The following DST variants were observed in gnomAD, a reference collection of about 807,000 sequenced individuals.
DST encodes bullous pemphigoid antigen.
Under a neutral mutation model 875.2 loss-of-function variants are expected in DST, and 253 were observed. The ratio of observed to expected loss-of-function variants is 0.29; its 90% CI spans 0.26 to 0.32. The LOEUF (loss-of-function observed/expected upper bound fraction) is 0.32. Ranked by LOEUF, DST falls within the 10% of genes least tolerant of loss-of-function variation. The pLI is 1.00. For synonymous variants in DST, 3,124 were observed against 3,197.1 expected (o/e 0.98, Z 0.77); for missense variants, 8,287 against 9,111.6 (o/e 0.91, Z 3.68).
intron 3 of DST, chr6:56,871,583 A>C (rs1777120836): frequency 1.1e-6 from 1 of 871,402 alleles, no homozygotes; most frequent in Non-Finnish European, 1.9e-6. Flanking sequence ...GGACCTACAG[A>C]GCTCATGGTT....
intron 2 of DST, among the ~76,000 whole-genome samples, chr6:56,946,308 G>C (rs1290282968): frequency 6.6e-6 from 1 of 152,210 alleles, no homozygotes; most frequent in African/African-American, 2.4e-5. Context: ...GAAATCATTG[G>C]TGACCTAAGT....
chr6:56,762,299 G>A (rs924705080), intron 4 of DST, among the ~76,000 whole-genome samples: 8 of 152,180 alleles, frequency 5.3e-5, no homozygotes, highest in African/African-American at 1.4e-4. Context: ...TGGCGTGCCC[G>A]ACAAGACTCT....
At position 56,619,500 on chromosome 6, in the gene DST, G is replaced by A. The variant is rs761229102; in HGVS notation, c.4930-5016C>T. On this transcript the variant is annotated intron_variant, in intron 36 of 103. Coordinates refer to ENST00000680361, the MANE Select transcript of DST (RefSeq NM_001374736.1). ...AGTCTTTCTAATTCTTTCTCATCTC[G>A]AAAAGAATGAATTTGTGAATTTAAA... 31 of 1,611,874 alleles carry A rather than the reference G, an allele frequency of 1.9e-5. No individual in the cohort carries two copies. The highest frequency in any genetic ancestry group is 6.7e-5 in the African/African-American group (5 of 74,736).
intron 4 of DST, among the ~76,000 whole-genome samples, chr6:56,840,054 G>GT (rs2153071796): frequency 6.6e-6 from 1 of 152,240 alleles, no homozygotes; most frequent in Non-Finnish European, 1.5e-5. Flanking sequence ...ACAAAATAAT[G>GT]TAACATTTTA....
At chr6:56,629,967 T>C (rs1341423232) in intron 31 of DST, among the ~76,000 whole-genome samples, 2 of 152,190 alleles carry the variant, frequency 1.3e-5, no homozygotes, top group Admixed American at 1.3e-4. Context: ...AGTTAATCTA[T>C]TACAAATAAT....
At position 56,463,076 on chromosome 6, in the gene DST, C is replaced by T. The variant is rs1167631223; in HGVS notation, c.23040G>A (p.Glu7680=). 1.2e-6 allele frequency: 2 copies of T among 1,613,382 alleles called. No homozygotes were observed. Among genetic ancestry groups the T allele is most frequent in the East Asian group, 4.5e-5 (2 of 44,868 alleles). Residue 7680 remains glutamate, a synonymous_variant, in exon 102 of 104, where the codon GAG becomes GAA. Coordinates refer to ENST00000680361, the MANE Select transcript of DST (RefSeq NM_001374736.1). ...CAGATGGCACGGGAAAGTCTGAGCA[C>T]TCTGCTGCTTTACAAGGAGTTGACA... ...SKMSTPCKAA[E]CSDFPVPSAE...
chr6:56,784,312 CAG>C (rs1316491857), intron 4 of DST, among the ~76,000 whole-genome samples: 1 of 152,222 alleles, frequency 6.6e-6, no homozygotes, highest in African/African-American at 2.4e-5. Context: ...TAATATCCTG[CAG>C]AGTGTTTTCC....
At chr6:56,810,719 A>C (rs1299399908) in intron 4 of DST, among the ~76,000 whole-genome samples, 1 of 152,040 alleles carries the variant, frequency 6.6e-6, no homozygotes, top group Non-Finnish European at 1.5e-5. Context: ...AGGGAAAAAA[A>C]AAAAAGGCAG....
intron 2 of DST, among the ~76,000 whole-genome samples, chr6:56,901,783 CAACGGA>C (rs1031655166): frequency 2.0e-5 from 3 of 152,062 alleles, no homozygotes; most frequent in African/African-American, 7.3e-5. Context: ...ACAACTCAGA[CAACGGA>C]AACATGTCAG....
Position 56,536,912 on chromosome 6 carries a change from A to G in DST, c.16637T>C (p.Leu5546Ser). Residue 5546 changes from leucine (L) to serine (S), a missense_variant, in exon 62 of 104, where the codon TTG becomes TCG. Physicochemically the swap from Leu to Ser is moderately radical, Grantham distance 145 (BLOSUM62 -2). Transcript: ENST00000680361. ...KVFQKEEIEPLQGKQQDVNWL... is the reference protein window; with the variant it reads ...KVFQKEEIEPSQGKQQDVNWL... Reference sequence around the variant, plus strand: ...GTTTACATCTTGCTGTTTACCTTGCAAGGGTTCAATCTCTTCTTTCTGGAA... The same window carrying G: ...GTTTACATCTTGCTGTTTACCTTGCGAGGGTTCAATCTCTTCTTTCTGGAA... 6.2e-7 allele frequency: 1 copy of G among 1,613,950 alleles called. No homozygotes were observed. Among genetic ancestry groups the G allele is most frequent in the Non-Finnish European group, 8.5e-7 (1 of 1,179,840 alleles).
intron 4 of DST, among the ~76,000 whole-genome samples, chr6:56,842,897 G>A (rs576969842): frequency 1.3e-5 from 2 of 152,228 alleles, no homozygotes; most frequent in East Asian, 1.9e-4. Flanking sequence ...TGCGCTGGGG[G>A]TACTAAATCC....
Position 56,630,281 on chromosome 6 carries a change from G to A in DST, c.4245C>T (p.Asp1415=), listed in dbSNP as rs973257594. Residue 1415 remains aspartate, a synonymous_variant, in exon 31 of 104, where the codon GAC becomes GAT. Transcript: ENST00000680361. ...TTATTAGATTCTCAATATTATTCTT[G>A]TCAGCTATAACTGCTTCTTCTTCAC... ...KLCEEEAVIA[D]KNNIENLIST... 9.3e-6 allele frequency: 15 copies of A among 1,605,726 alleles called. No individual in the cohort carries two copies. The highest frequency in any genetic ancestry group is 4.5e-5 in the East Asian group (2 of 44,808).
At chr6:56,754,228 T>C (rs1000277068) in intron 4 of DST, among the ~76,000 whole-genome samples, 5 of 152,190 alleles carry the variant, frequency 3.3e-5, no homozygotes, top group African/African-American at 1.2e-4. Flanking sequence ...AATCAATTAA[T>C]TCAACAAAAG....
At chr6:56,467,535 T>A (rs2094641334) in intron 98 of DST, 1 of 152,152 alleles carries the variant, frequency 6.6e-6, no homozygotes, top group South Asian at 2.1e-4. Flanking sequence ...AAAGTGTAAA[T>A]TTATTTTGTT....
chr6:56,677,603 C>A (rs1034110607), intron 9 of DST, among the ~76,000 whole-genome samples: 3 of 152,232 alleles, frequency 2.0e-5, no homozygotes, highest in African/African-American at 7.2e-5. Flanking sequence ...AACCACAGCA[C>A]CTAGCCCCAC....
Position 56,485,391 on chromosome 6 carries a change from C to G in DST, c.21128G>C (p.Arg7043Thr). Residue 7043 changes from arginine to threonine, a missense_variant, in exon 88 of 104, where the codon AGA becomes ACA. By Grantham distance (71) the Arg-to-Thr change is moderately conservative. Coordinates refer to ENST00000680361, the MANE Select transcript of DST (RefSeq NM_001374736.1). ...GTCTTCTGCCAGCTGGGGTTCAACT[C>G]TATATAACCAATCAATGAGAGCCTG... ...ALQALIDWLY[R>T]VEPQLAEDQP... 1 of 1,613,962 alleles carries G rather than the reference C, an allele frequency of 6.2e-7. No individual in the cohort carries two copies. The highest frequency in any genetic ancestry group is 1.1e-5 in the South Asian group (1 of 91,086).
intron 5 of DST, among the ~76,000 whole-genome samples, chr6:56,712,283 T>C (rs1481967882): frequency 6.6e-6 from 1 of 152,248 alleles, no homozygotes; most frequent in African/African-American, 2.4e-5. Context: ...TAAGTACTAC[T>C]ATGTCAAGAG....
chr6:56,938,743 T>C (rs1814617944), intron 2 of DST, among the ~76,000 whole-genome samples: 3 of 152,328 alleles, frequency 2.0e-5, no homozygotes, highest in South Asian at 2.1e-4. Context: ...AGAGGCCTCA[T>C]GCACTTCCAC....
intron 2 of DST, among the ~76,000 whole-genome samples, chr6:56,944,660 T>C (rs1208280580): frequency 2.0e-5 from 3 of 152,204 alleles, no homozygotes; most frequent in Non-Finnish European, 2.9e-5. Context: ...AAGGAACCCT[T>C]TGACATTATA....
Sources: gnomAD v4.1 joint callset for allele counts (sites outside exome capture counted in the v4.1 genomes callset) on GRCh38, gnomAD v4.1.1 for gene constraint, MANE v1.5 for transcripts, NCBI Gene and HGNC (gene_info 2026-07-23, HGNC 2026-07-21) for gene names.